OSBPL10: variants seen among roughly 807,000 people sequenced by gnomAD.
The protein encoded by OSBPL10 is oxysterol-binding protein-related protein 10.
Under a neutral mutation model 81.7 loss-of-function variants are expected in OSBPL10, and 49 were observed. That is an observed-to-expected ratio of 0.60 (90% CI 0.48 to 0.76). OSBPL10 has a LOEUF of 0.76. OSBPL10 is among the 30% of genes least tolerant of loss of function. The pLI, the probability that OSBPL10 is intolerant of heterozygous loss-of-function variation, is 0.00. For synonymous variants in OSBPL10, 419 were observed against 383.6 expected, an observed-to-expected ratio of 1.09 and a Z score of -1.08; for missense variants, 923 against 987.8, an observed-to-expected ratio of 0.93 and a Z score of 0.88.
chr3:31,749,568 C>T (rs542391213), intron 4 of OSBPL10, among the ~76,000 whole-genome samples: 1 of 152,274 alleles, frequency 6.6e-6, no homozygotes, highest in East Asian at 1.9e-4. Context: ...TGCCTGTAAT[C>T]CCAGCACTTA....
At chr3:31,732,395 G>A (rs1360546280) in intron 6 of OSBPL10, among the ~76,000 whole-genome samples, 1 of 152,082 alleles carries the variant, frequency 6.6e-6, no homozygotes, top group Non-Finnish European at 1.5e-5. Flanking sequence ...ACTGCCTTGG[G>A]GCTTTCAACC....
intron 3 of OSBPL10, among the ~76,000 whole-genome samples, chr3:31,864,038 G>A (rs986101285): frequency 1.3e-5 from 2 of 152,158 alleles, no homozygotes; most frequent in East Asian, 3.8e-4. Context: ...ACCCCCATGT[G>A]TCATGACAGT....
At chr3:31,861,073 T>C (rs1701046637) in intron 3 of OSBPL10, among the ~76,000 whole-genome samples, 1 of 152,180 alleles carries the variant, frequency 6.6e-6, no homozygotes, top group South Asian at 2.1e-4. Flanking sequence ...ACACTATGGA[T>C]AAAAATTGAA....
intron 1 of OSBPL10, among the ~76,000 whole-genome samples, chr3:31,974,049 G>C (rs1009415620): frequency 2.6e-5 from 4 of 152,050 alleles, no homozygotes; most frequent in Non-Finnish European, 2.9e-5. Context: ...ATCCAGCAAA[G>C]GGCGCATACC....
chr3:31,808,063 C>T lies in OSBPL10; in HGVS notation c.729+21977G>A, dbSNP rs150751373. 2.0e-3 allele frequency among the ~76,000 whole-genome samples: 306 copies of T among 152,280 alleles called. 2 individuals are homozygous for T. The highest frequency in any genetic ancestry group is 6.6e-3 in the African/African-American group (273 of 41,560). ...CACTACTTCTATCCCGATTTTGTAA[C>T]TGAGCAGCTAGCTACAATGACCCTG... is the stretch of plus-strand genomic sequence containing the variant. On this transcript the variant is annotated intron_variant, in intron 4 of 11. Coordinates refer to ENST00000396556, the MANE Select transcript of OSBPL10 (RefSeq NM_017784.5).
chr3:31,878,578 G>A (rs1701537340), intron 2 of OSBPL10, among the ~76,000 whole-genome samples: 1 of 152,144 alleles, frequency 6.6e-6, no homozygotes, highest in Admixed American at 6.5e-5. Flanking sequence ...AGTGAAGCTT[G>A]GCAGAAGAAT....
At chr3:32,019,825 C>A (rs1671865408) in intron 2 of OSBPL10, among the ~76,000 whole-genome samples, 1 of 152,190 alleles carries the variant, frequency 6.6e-6, no homozygotes, top group African/African-American at 2.4e-5. Context: ...CAACTATAGT[C>A]TATTTCCTCA....
intron 1 of OSBPL10, among the ~76,000 whole-genome samples, chr3:31,928,573 A>G (rs1365461263): frequency 6.6e-6 from 1 of 151,818 alleles, no homozygotes; most frequent in African/African-American, 2.4e-5. Context: ...TCAGGTGTTC[A>G]AGACCAGTCT....
chr3:31,744,211 T>A (rs1256802813), intron 5 of OSBPL10, among the ~76,000 whole-genome samples: 3 of 152,156 alleles, frequency 2.0e-5, no homozygotes, highest in Admixed American at 6.5e-5. Flanking sequence ...TCTCCAACTT[T>A]CAGCTAAGTT....
At chr3:31,858,399 C>T (rs1466202867) in intron 3 of OSBPL10, among the ~76,000 whole-genome samples, 2 of 152,192 alleles carry the variant, frequency 1.3e-5, no homozygotes, top group African/African-American at 4.8e-5. Context: ...TTTCATTTCA[C>T]AAGCTGTGCC....
chr3:31,865,589 G>A (rs947314242), intron 3 of OSBPL10, among the ~76,000 whole-genome samples: 1 of 152,198 alleles, frequency 6.6e-6, no homozygotes, highest in Non-Finnish European at 1.5e-5. Flanking sequence ...TTTGGGAGGT[G>A]ATTAGGTCAT....
At chr3:32,032,227 T>C (rs1329656274) in intron 2 of OSBPL10, among the ~76,000 whole-genome samples, 1 of 152,158 alleles carries the variant, frequency 6.6e-6, no homozygotes, top group Non-Finnish European at 1.5e-5. Flanking sequence ...AAGACCAGCC[T>C]GGCCAACATG....
intron 1 of OSBPL10, among the ~76,000 whole-genome samples, chr3:31,965,828 A>AATATATAATATATATTATCTAAT (rs1559535383): frequency 1.2e-5 from 1 of 82,394 alleles, no homozygotes; most frequent in Non-Finnish European, 2.0e-5. Context: ...TATTATATAA[A>AATATATAATATATATTATCTAAT]TATATAATAT....
chr3:31,881,078 C>T (rs1043500176), intron 1 of OSBPL10, among the ~76,000 whole-genome samples: 4 of 152,166 alleles, frequency 2.6e-5, no homozygotes, highest in African/African-American at 4.8e-5. Flanking sequence ...TTCTCCTGAC[C>T]GGGTCAAATA....
At chr3:31,763,385 G>T (rs1698111843) in intron 4 of OSBPL10, among the ~76,000 whole-genome samples, 1 of 152,148 alleles carries the variant, frequency 6.6e-6, no homozygotes. Context: ...GGGTCAACAA[G>T]CATGAAATTA....
At chr3:31,716,327 T>C (rs1267242199) in intron 6 of OSBPL10, among the ~76,000 whole-genome samples, 1 of 152,228 alleles carries the variant, frequency 6.6e-6, no homozygotes, top group East Asian at 1.9e-4. Flanking sequence ...TTTGTTTAAG[T>C]GTATGGTTCA....
chr3:31,969,051 A>T (rs553823690), intron 1 of OSBPL10, among the ~76,000 whole-genome samples: 2 of 152,350 alleles, frequency 1.3e-5, no homozygotes, highest in East Asian at 1.9e-4. Context: ...CACACAAAAA[A>T]GTTCTGTGCT....
At chr3:31,999,898 C>A (rs550868248) in intron 2 of OSBPL10, among the ~76,000 whole-genome samples, 1 of 152,270 alleles carries the variant, frequency 6.6e-6, no homozygotes, top group East Asian at 1.9e-4. Flanking sequence ...TTAAAAAGGT[C>A]ATTCGATTCC....
chr3:31,680,936 G>A (rs1261123467), intron 8 of OSBPL10, among the ~76,000 whole-genome samples: 2 of 152,186 alleles, frequency 1.3e-5, no homozygotes, highest in African/African-American at 4.8e-5. Context: ...TTTCTAATTG[G>A]AAAATAGTTG....
Sources: allele counts gnomAD v4.1 joint callset (sites outside exome capture counted in the v4.1 genomes callset), GRCh38; gene constraint gnomAD v4.1.1; transcripts MANE v1.5; gene names NCBI Gene and HGNC (gene_info 2026-07-23, HGNC 2026-07-21).